Variants in DNAI4 observed in about 807,000 individuals in gnomAD.
DNAI4 encodes the protein WD repeat domain 78.
A neutral mutation model predicts 105.8 loss-of-function variants in DNAI4; 85 were observed. The ratio of observed to expected loss-of-function variants is 0.80; its 90% CI spans 0.67 to 0.96. DNAI4 has a LOEUF of 0.96. DNAI4 is among the 40% of genes least tolerant of loss of function. The pLI is 0.00. For missense variants in DNAI4, 1,014 were observed against 1,005.6 expected (o/e 1.01, Z -0.11); for synonymous variants, 352 against 331.5 (o/e 1.06, Z -0.67).
At chr1:66,834,642 T>A (rs1645942745) in intron 11 of DNAI4, among the ~76,000 whole-genome samples, 1 of 152,110 alleles carries the variant, frequency 6.6e-6, no homozygotes, top group Non-Finnish European at 1.5e-5. Context: ...TTGGTTTGAC[T>A]CTCTCTATGG....
chr1:66,832,073 A>T (rs1645877427), intron 13 of DNAI4, among the ~76,000 whole-genome samples: 1 of 152,178 alleles, frequency 6.6e-6, no homozygotes, highest in Non-Finnish European at 1.5e-5. Flanking sequence ...AATTCCTGAC[A>T]GCTGCAACAG....
At chr1:66,831,682 G>A (rs1645868993) in intron 13 of DNAI4, among the ~76,000 whole-genome samples, 1 of 152,038 alleles carries the variant, frequency 6.6e-6, no homozygotes, top group Non-Finnish European at 1.5e-5. Flanking sequence ...AATAGTAAAA[G>A]GCTAAATACT....
At chr1:66,920,838 C>G (rs980562719) in intron 1 of DNAI4, among the ~76,000 whole-genome samples, 14 of 152,214 alleles carry the variant, frequency 9.2e-5, no homozygotes, top group African/African-American at 3.4e-4. Context: ...GAAACAAGGA[C>G]AGTAGAGGAA....
At chr1:66,862,567 G>T (rs897560319) in intron 6 of DNAI4, among the ~76,000 whole-genome samples, 1 of 151,920 alleles carries the variant, frequency 6.6e-6, no homozygotes, top group African/African-American at 2.4e-5. Flanking sequence ...TCTCTTTAAA[G>T]AAATTAAAAA....
intron 4 of DNAI4, among the ~76,000 whole-genome samples, chr1:66,889,415 G>C (rs1487329009): frequency 1.3e-5 from 2 of 152,244 alleles, no homozygotes; most frequent in Admixed American, 1.3e-4. Flanking sequence ...AAGAAGAAAG[G>C]CTTTAGGAAA....
intron 16 of DNAI4, among the ~76,000 whole-genome samples, chr1:66,821,392 C>A (rs1435840795): frequency 2.0e-5 from 3 of 152,092 alleles, no homozygotes; most frequent in Admixed American, 2.0e-4. Context: ...AGCCACCGTG[C>A]CCAGCCTTCT....
At chr1:66,892,816 G>A (rs895342209) in intron 3 of DNAI4, among the ~76,000 whole-genome samples, 4 of 151,746 alleles carry the variant, frequency 2.6e-5, no homozygotes, top group Non-Finnish European at 5.9e-5. Context: ...GCTGAGGCAG[G>A]AGAACTGCTT....
chr1:66,911,689 T>G (rs1008766616), intron 1 of DNAI4, among the ~76,000 whole-genome samples: 8 of 152,236 alleles, frequency 5.3e-5, no homozygotes, highest in Non-Finnish European at 1.2e-4. Context: ...TTAATACATT[T>G]ATTGAAACAA....
At chr1:66,868,166 G>A (rs1455641311) in intron 6 of DNAI4, among the ~76,000 whole-genome samples, 1 of 152,138 alleles carries the variant, frequency 6.6e-6, no homozygotes, top group Non-Finnish European at 1.5e-5. Flanking sequence ...GATTCCTAAT[G>A]CCTTGAGGGT....
At chr1:66,855,428 A>G (rs1359552224) in intron 7 of DNAI4, among the ~76,000 whole-genome samples, 2 of 152,240 alleles carry the variant, frequency 1.3e-5, no homozygotes, top group Non-Finnish European at 2.9e-5. Context: ...TGGTTTTGCC[A>G]TACCTCAATA....
intron 1 of DNAI4, among the ~76,000 whole-genome samples, chr1:66,916,889 CTTTTT>C (rs57839896): frequency 6.8e-6 from 1 of 147,388 alleles, no homozygotes; most frequent in Non-Finnish European, 1.5e-5. Context: ...AGATTTTTGC[CTTTTT>C]TTTTTAATTC....
chr1:66,880,111 C>T (rs1474195516), intron 4 of DNAI4, among the ~76,000 whole-genome samples: 1 of 152,236 alleles, frequency 6.6e-6, no homozygotes, highest in Non-Finnish European at 1.5e-5. Flanking sequence ...ATGACTTGCT[C>T]ATCCTTGCCT....
chr1:66,873,994 AT>A (rs1646909227), intron 5 of DNAI4, among the ~76,000 whole-genome samples: 1 of 151,748 alleles, frequency 6.6e-6, no homozygotes, highest in Non-Finnish European at 1.5e-5. Context: ...TTGAGAAGGA[AT>A]AATACCCTAA....
intron 7 of DNAI4, chr1:66,848,117 C>T: frequency 2.3e-6 from 1 of 439,366 alleles, no homozygotes; most frequent in South Asian, 1.6e-5. Flanking sequence ...AGAGGCCTAA[C>T]AGATGTCACT....
chr1:66,822,232 T>A, intron 16 of DNAI4, 129 bp downstream of exon 16: 1 of 856,580 alleles, frequency 1.2e-6, no homozygotes, highest in Non-Finnish European at 1.7e-6. Flanking sequence ...AGTTAGCAAC[T>A]CCTGGAATTT....
In DNAI4 at chr1:66,814,167, T is replaced by A. The variant is rs765104186; in HGVS notation, c.2510A>T (p.Asp837Val). The change falls in exon 17 of 17, where the codon GAT becomes GTT. Residue 837 changes from aspartate to valine, a missense_variant. Asp to Val is a radical substitution (Grantham distance 152, BLOSUM62 -3). Coordinates refer to ENST00000371026, the MANE Select transcript of DNAI4 (RefSeq NM_024763.5). Reference protein sequence around the residue: ...VLETGRGDIMDTLLGSKSNQS... With the variant: ...VLETGRGDIMVTLLGSKSNQS... ...GTTTGACTTGGATCCAAGCAAAGTA[T>A]CCATTATATCTCCCTGAAAAAAAAA... 2 of 1,591,532 alleles carry A rather than the reference T, an allele frequency of 1.3e-6. No individual in the cohort carries two copies. The highest frequency in any genetic ancestry group is 3.4e-5 in the Admixed American group (2 of 58,792).
At chr1:66,835,230 AGAT>A (rs1645957913) in intron 11 of DNAI4, among the ~76,000 whole-genome samples, 1 of 141,730 alleles carries the variant, frequency 7.1e-6, no homozygotes, top group African/African-American at 2.5e-5. Flanking sequence ...ATAGATAGAT[AGAT>A]AGATAGATAA....
intron 7 of DNAI4, among the ~76,000 whole-genome samples, chr1:66,858,953 C>T (rs1331054808): frequency 6.6e-6 from 1 of 151,714 alleles, no homozygotes; most frequent in Non-Finnish European, 1.5e-5. Flanking sequence ...TTAGATATAG[C>T]ATCAAAAACA....
At chr1:66,816,874 C>A (rs1451064948) in intron 16 of DNAI4, among the ~76,000 whole-genome samples, 1 of 151,770 alleles carries the variant, frequency 6.6e-6, no homozygotes, top group Non-Finnish European at 1.5e-5. Context: ...AATCCAAACA[C>A]AAAAATTAAG....
Sources: allele counts gnomAD v4.1 joint callset (sites outside exome capture counted in the v4.1 genomes callset), GRCh38; gene constraint gnomAD v4.1.1; transcripts MANE v1.5; gene names NCBI Gene and HGNC (gene_info 2026-07-23, HGNC 2026-07-21).